KLHL2: variants seen among roughly 807,000 people sequenced by gnomAD.
KLHL2 encodes kelch like family member 2, also known as kelch-like protein 2.
A neutral mutation model predicts 75.8 loss-of-function variants in KLHL2; 15 were observed. The ratio of observed to expected loss-of-function variants is 0.20; its 90% CI spans 0.13 to 0.30. KLHL2 has a LOEUF of 0.30. KLHL2 is among the 10% of genes least tolerant of loss of function. KLHL2 has a pLI of 1.00. For missense variants in KLHL2, 381 were observed against 741.0 expected, an observed-to-expected ratio of 0.51 and a Z score of 5.64; for synonymous variants, 214 against 251.9, an observed-to-expected ratio of 0.85 and a Z score of 1.42.
intron 5 of KLHL2, among the ~76,000 whole-genome samples, chr4:165,265,085 G>A (rs189997837): frequency 8.6e-5 from 13 of 152,024 alleles, no homozygotes; most frequent in Non-Finnish European, 1.2e-4. Context: ...GGGCAAGGTG[G>A]TATCTCGCTG....
chr4:165,209,615 A>T (rs1737065051), intron 1 of KLHL2, among the ~76,000 whole-genome samples: 1 of 152,194 alleles, frequency 6.6e-6, no homozygotes, highest in Non-Finnish European at 1.5e-5. Context: ...CATAATTTTG[A>T]TGACCAGCGC....
At chr4:165,221,506 A>G (rs1044825209) in intron 2 of KLHL2, among the ~76,000 whole-genome samples, 6 of 152,192 alleles carry the variant, frequency 3.9e-5, no homozygotes, top group Non-Finnish European at 8.8e-5. Context: ...GCTGCAGTGC[A>G]CGTGGCGGTG....
intron 5 of KLHL2, among the ~76,000 whole-genome samples, chr4:165,280,776 C>G (rs1250426713): frequency 6.6e-6 from 1 of 152,184 alleles, no homozygotes; most frequent in East Asian, 1.9e-4. Context: ...GCCTTGTTGA[C>G]AGGAATTTTT....
At chr4:165,264,181 C>A (rs1741953198) in intron 5 of KLHL2, among the ~76,000 whole-genome samples, 1 of 151,416 alleles carries the variant, frequency 6.6e-6, no homozygotes. Context: ...TAGGAAATTT[C>A]TTTTTTTAGT....
chr4:165,244,628 C>CA (rs1179963629), intron 4 of KLHL2, among the ~76,000 whole-genome samples: 115 of 151,778 alleles, frequency 7.6e-4, no homozygotes, highest in East Asian at 1.2e-3. Context: ...CCTGGTGCTA[C>CA]AAAAACAAAC....
At chr4:165,307,895 T>G (rs1745854628) in intron 9 of KLHL2, among the ~76,000 whole-genome samples, 1 of 152,198 alleles carries the variant, frequency 6.6e-6, no homozygotes, top group Non-Finnish European at 1.5e-5. Flanking sequence ...TAGATTTTGG[T>G]TTTTAATGGC....
intron 2 of KLHL2, among the ~76,000 whole-genome samples, chr4:165,226,426 A>G (rs534079647): frequency 2.0e-5 from 3 of 152,196 alleles, no homozygotes; most frequent in African/African-American, 4.8e-5. Flanking sequence ...GCTTAAGGCC[A>G]ATAGCTGCAG....
chr4:165,293,212 T>C (rs1744648517), intron 5 of KLHL2, among the ~76,000 whole-genome samples: 1 of 152,202 alleles, frequency 6.6e-6, no homozygotes, highest in Non-Finnish European at 1.5e-5. Flanking sequence ...ATCATTGCAC[T>C]GATAGTCTTT....
At chr4:165,297,419 G>T (rs938298485) in intron 6 of KLHL2, among the ~76,000 whole-genome samples, 190 bp from the exon 7 acceptor site, 2 of 150,338 alleles carry the variant, frequency 1.3e-5, no homozygotes, top group Non-Finnish European at 3.0e-5. Flanking sequence ...AAAAAAAAAA[G>T]AACAGAAAAG....
intron 13 of KLHL2, 37 bp downstream of exon 13, chr4:165,314,203 A>C (rs1746438001): frequency 6.4e-7 from 1 of 1,568,970 alleles, no homozygotes; most frequent in South Asian, 1.1e-5. Context: ...CTTATGTTGA[A>C]TTTTATTTTA....
In KLHL2 at chr4:165,263,370, T is replaced by A. The variant is rs766377804; in HGVS notation, c.544+11T>A. ...CCAACACCTATGCAGGCAAGTGGAG[T>A]AGACCTCAGCTGAATTTGGGAGGAA... On this transcript the variant is annotated intron_variant, in intron 5 of 14. Transcript: ENST00000226725. 1 of 1,610,200 alleles carries A rather than the reference T, an allele frequency of 6.2e-7. No homozygotes were observed. The highest frequency in any genetic ancestry group is 8.5e-7 in the Non-Finnish European group (1 of 1,177,028).
At chr4:165,208,141 G>C (rs535308573) in intron 1 of KLHL2, among the ~76,000 whole-genome samples, 12 of 152,138 alleles carry the variant, frequency 7.9e-5, no homozygotes, top group African/African-American at 2.6e-4. Flanking sequence ...TCCCCATCTC[G>C]GGCGGATAGA....
At chr4:165,256,539 G>A (rs1277252689) in intron 4 of KLHL2, among the ~76,000 whole-genome samples, 1 of 152,162 alleles carries the variant, frequency 6.6e-6, no homozygotes, top group Admixed American at 6.5e-5. Flanking sequence ...CCAAAGTGAG[G>A]CAATCTCTAG....
chr4:165,305,792 A>C, intron 9 of KLHL2, 67 bp downstream of exon 9: 1 of 1,041,596 alleles, frequency 9.6e-7, no homozygotes, highest in Non-Finnish European at 1.5e-6. Context: ...TTCAGGTCTT[A>C]TTTTATTAAT....
Position 165,279,888 on chromosome 4 carries a change from C to T in KLHL2, c.545-14471C>T, listed in dbSNP as rs1036765059. On this transcript the variant is annotated intron_variant, in intron 5 of 14. Transcript: ENST00000226725. Reference sequence around the variant, plus strand: ...ATCTTTCCCTGCGTATTTTGTTTCTCCTGCCATAAACGCCTTCAGAATCTA... The same window carrying T: ...ATCTTTCCCTGCGTATTTTGTTTCTTCTGCCATAAACGCCTTCAGAATCTA... 2.3e-4 allele frequency among the ~76,000 whole-genome samples: 35 copies of T among 152,324 alleles called. 1 individual carries two copies. The highest frequency in any genetic ancestry group is 6.5e-5 in the Admixed American group (1 of 15,304).
intron 4 of KLHL2, among the ~76,000 whole-genome samples, chr4:165,247,843 T>A (rs1740386589): frequency 6.6e-6 from 1 of 152,210 alleles, no homozygotes; most frequent in African/African-American, 2.4e-5. Flanking sequence ...TGTAGTCGAA[T>A]TGTCAGGCCA....
At chr4:165,278,551 C>T (rs746806975) in intron 5 of KLHL2, 63 of 1,611,478 alleles carry the variant, frequency 3.9e-5, no homozygotes, top group Middle Eastern at 1.7e-4. Flanking sequence ...CATATAACCC[C>T]GAAAATGCTG....
intron 5 of KLHL2, among the ~76,000 whole-genome samples, chr4:165,264,740 G>GTATATATATATA (rs1216985793): frequency 4.0e-5 from 3 of 75,746 alleles, no homozygotes; most frequent in Non-Finnish European, 7.3e-5. Context: ...ATATATATAT[G>GTATATATATATA]TATATATATA....
In KLHL2 at chr4:165,312,431, T is replaced by TA. The variant is rs574636399; in HGVS notation, c.1340-807_1340-806insA. ...GCTCTAAGTATTATTATTATTATTTTTTTTTAATTGACTTGGGCAAATTTG... is the reference window on the plus strand; with the variant it reads ...GCTCTAAGTATTATTATTATTATTTTATTTTTAATTGACTTGGGCAAATTTG... On this transcript the variant is annotated intron_variant, in intron 11 of 14. Transcript: ENST00000226725. Among the ~76,000 whole-genome samples, 751 of 152,018 alleles carry TA rather than the reference T, an allele frequency of 4.9e-3. 8 individuals carry two copies. The highest frequency in any genetic ancestry group is 0.015 in the African/African-American group (634 of 41,442).
Sources: gnomAD v4.1 joint callset for allele counts (sites outside exome capture counted in the v4.1 genomes callset) on GRCh38, gnomAD v4.1.1 for gene constraint, MANE v1.5 for transcripts, NCBI Gene and HGNC (gene_info 2026-07-23, HGNC 2026-07-21) for gene names.